The following ZBTB2 variants were observed in gnomAD, a reference collection of about 807,000 sequenced individuals.
ZBTB2 encodes the protein zinc finger and BTB domain containing 2.
ZBTB2 carries 2 observed loss-of-function variants against 39.5 expected under a neutral mutation model. The observed-to-expected ratio is 0.05, with a 90% CI of 0.02 to 0.16. The LOEUF (loss-of-function observed/expected upper bound fraction) is 0.16, where lower values mean the gene tolerates loss of function less well. Ranked by LOEUF, ZBTB2 falls within the 10% of genes least tolerant of loss-of-function variation. The pLI is 1.00. For synonymous variants in ZBTB2, 251 were observed against 256.6 expected (o/e 0.98, Z 0.21); for missense variants, 391 against 653.0 (o/e 0.60, Z 4.37).
chr6:151,389,736 C>T (rs895753239), intron 1 of ZBTB2, among the ~76,000 whole-genome samples: 1 of 152,018 alleles, frequency 6.6e-6, no homozygotes, highest in African/African-American at 2.4e-5. Flanking sequence ...GGGTTATATC[C>T]CCAAGGCATA....
chr6:151,367,942 A>G (rs1778685682), intron 2 of ZBTB2, among the ~76,000 whole-genome samples: 1 of 152,250 alleles, frequency 6.6e-6, no homozygotes, highest in South Asian at 2.1e-4. Flanking sequence ...AAGCATCATT[A>G]GAAATTAGTG....
chr6:151,366,388 G>A lies in ZBTB2; in HGVS notation c.678C>T (p.Ser226=), dbSNP rs1302504049. The A allele has an allele frequency of 1.2e-6, 2 of 1,614,144 alleles. No homozygotes were observed. The highest frequency in any genetic ancestry group is 2.2e-5 in the South Asian group (2 of 91,082). The change falls in exon 3 of 3, where the codon TCC becomes TCT. Residue 226 remains serine (S), a synonymous_variant. Coordinates refer to ENST00000325144, the MANE Select transcript of ZBTB2 (RefSeq NM_020861.3). The surrounding 1 kb of genome is among the most constrained non-coding windows in gnomAD (Gnocchi z 7.1). ...TGAGGGACGCAGGCTGCTCATCGGA[G>A]GAAGATGCTTCCAGATTGGTCTCCT... is the stretch of plus-strand genomic sequence containing the variant. ...PGEETNLEAS[S]SDEQPASLTI...
intron 2 of ZBTB2, among the ~76,000 whole-genome samples, chr6:151,372,094 A>G (rs1778800434): frequency 6.6e-6 from 1 of 152,198 alleles, no homozygotes; most frequent in Admixed American, 6.5e-5. Context: ...AGATCTAGGA[A>G]AAAGACACAC....
chr6:151,368,533 C>T (rs1172983358), intron 2 of ZBTB2, among the ~76,000 whole-genome samples: 1 of 151,924 alleles, frequency 6.6e-6, no homozygotes, highest in Middle Eastern at 3.2e-3. Flanking sequence ...CAGCTCACTG[C>T]ACCCTCCATC....
chr6:151,379,639 A>G (rs1160791057), intron 1 of ZBTB2, among the ~76,000 whole-genome samples: 1 of 64,322 alleles, frequency 1.6e-5, no homozygotes. Context: ...CCCTGTCTGA[A>G]AAAAAAAAAA....
chr6:151,379,904 C>T (rs917594364), intron 1 of ZBTB2, among the ~76,000 whole-genome samples: 2 of 151,922 alleles, frequency 1.3e-5, no homozygotes, highest in African/African-American at 4.8e-5. Context: ...CCTCTCTTTC[C>T]ACAAACGGAC....
chr6:151,384,054 C>T (rs1230848192), intron 1 of ZBTB2, among the ~76,000 whole-genome samples: 1 of 152,136 alleles, frequency 6.6e-6, no homozygotes, highest in East Asian at 1.9e-4. Flanking sequence ...AGTTGAGTTT[C>T]TAGTTATCCT....
At chr6:151,390,108 G>A (rs1447199384) in intron 1 of ZBTB2, among the ~76,000 whole-genome samples, 1 of 152,018 alleles carries the variant, frequency 6.6e-6, no homozygotes, top group Non-Finnish European at 1.5e-5. Flanking sequence ...CTGTATCGCA[G>A]GCGCAGATGG....
intron 1 of ZBTB2, among the ~76,000 whole-genome samples, chr6:151,379,636 T>TGAAAAAA (rs1365210745): frequency 2.3e-4 from 18 of 79,222 alleles, no homozygotes; most frequent in Non-Finnish European, 3.4e-4. Flanking sequence ...AGACCCTGTC[T>TGAAAAAA]GAAAAAAAAA....
In ZBTB2 at chr6:151,391,516, G is replaced by C. The variant is rs955120306; in HGVS notation, c.-109C>G. ...CCCGCCGCCGCCGCCTCTGCCTCTCGCTGCTGCTGCTGCTGCTGCCGCCGC... is the reference window on the plus strand; with the variant it reads ...CCCGCCGCCGCCGCCTCTGCCTCTCCCTGCTGCTGCTGCTGCTGCCGCCGC... On this transcript the variant is annotated 5_prime_UTR_variant, in exon 1 of 3. Coordinates refer to ENST00000325144, the MANE Select transcript of ZBTB2 (RefSeq NM_020861.3). The C allele has an allele frequency of 6.9e-6, 1 of 145,954 alleles. No individual in the cohort carries two copies. Among genetic ancestry groups the C allele is most frequent in the Non-Finnish European group, 1.5e-5 (1 of 66,810 alleles). 9.0% of individuals were successfully genotyped at this position (145,954 alleles called of 1,614,324 possible). A position where few individuals can be genotyped will look rare whatever the true frequency, so the allele number is the denominator to read the frequency against.
At chr6:151,374,300 T>C (rs1208088617) in intron 1 of ZBTB2, among the ~76,000 whole-genome samples, 1 of 152,186 alleles carries the variant, frequency 6.6e-6, no homozygotes, top group East Asian at 1.9e-4. Flanking sequence ...CTCTGCTTCC[T>C]TCCTTGTGGA....
At position 151,366,440 on chromosome 6, in the gene ZBTB2, G is replaced by A. The variant is rs767848214; in HGVS notation, c.626C>T (p.Thr209Ile). The part of the protein sequence containing the change: ...QTSLSPELVS[T>I]PVPPPPPGEE... ...CCCGGGAGGAGGGGGAGGAACAGGAGTGGAAACAAGTTCTGGAGACAGCGA... is the reference window on the plus strand; with the variant it reads ...CCCGGGAGGAGGGGGAGGAACAGGAATGGAAACAAGTTCTGGAGACAGCGA... Residue 209 changes from threonine (T) to isoleucine (I), a missense_variant, in exon 3 of 3, where the codon ACT becomes ATT. Transcript: ENST00000325144. This position sits in a 1 kb window ranked among gnomAD's most constrained non-coding sequence, Gnocchi z 7.1. 9 of 1,614,032 alleles carry A rather than the reference G, an allele frequency of 5.6e-6. No homozygotes were observed. Among genetic ancestry groups the A allele is most frequent in the Non-Finnish European group, 5.9e-6 (7 of 1,180,026 alleles).
rs1406590974 is a variant in ZBTB2, at chr6:151,391,013, TCCTC to T, written c.-13+403_-13+406del. Among the ~76,000 whole-genome samples, 16 of 128,204 alleles carry T rather than the reference TCCTC, an allele frequency of 1.2e-4. No homozygotes were observed. In the South Asian group the frequency reaches 1.8e-3, roughly 14 times the overall value. 84.1% of individuals were successfully genotyped at this position (128,204 alleles called of 152,430 possible). ...CGAACGCGAATCGCCCCCCTCCCCT[TCCTC>T]CCTCCCACCCTCCCTCCGATCCGCC... On this transcript the variant is annotated intron_variant, in intron 1 of 2. Coordinates refer to ENST00000325144, the MANE Select transcript of ZBTB2 (RefSeq NM_020861.3).
intron 1 of ZBTB2, among the ~76,000 whole-genome samples, chr6:151,377,057 A>G (rs1778925380): frequency 6.6e-6 from 1 of 152,020 alleles, no homozygotes; most frequent in South Asian, 2.1e-4. Context: ...GGTGAATTAC[A>G]CTCAGTGAAA....
At position 151,366,999 on chromosome 6, in the gene ZBTB2, TATCC is replaced by T; in HGVS notation, c.174-111_174-108del. ...TAAAAACAAAGGAAACAACATTTCC[TATCC>T]TTGATTTTTAGTAAGTTTCATGAAA... On this transcript the variant is annotated intron_variant, in intron 2 of 2. Transcript: ENST00000325144. This position sits in a 1 kb window ranked among gnomAD's most constrained non-coding sequence, Gnocchi z 7.1. 8 of 1,194,290 alleles carry T rather than the reference TATCC, an allele frequency of 6.7e-6. No homozygotes were observed. Among genetic ancestry groups the T allele is most frequent in the South Asian group, 3.2e-5 (2 of 62,256 alleles). The allele number at this position is 1,194,290 out of a possible 1,614,324, so 74.0% of individuals were successfully genotyped here.
chr6:151,373,870 A>AAAAAAAAAAAAAAAAAAC (rs1778843577), intron 1 of ZBTB2, among the ~76,000 whole-genome samples: 1 of 123,564 alleles, frequency 8.1e-6, no homozygotes, highest in African/African-American at 3.6e-5. Flanking sequence ...AAAAAAAAAA[A>AAAAAAAAAAAAAAAAAAC]AAAAAAACCA....
chr6:151,372,940 G>T (rs867588351), intron 2 of ZBTB2, among the ~76,000 whole-genome samples: 7 of 151,898 alleles, frequency 4.6e-5, no homozygotes, highest in Middle Eastern at 3.2e-3. Context: ...AGATCACGAG[G>T]TCAGGAGATC....
At chr6:151,380,627 T>A (rs1562769474) in intron 1 of ZBTB2, among the ~76,000 whole-genome samples, 1 of 152,186 alleles carries the variant, frequency 6.6e-6, no homozygotes, top group African/African-American at 2.4e-5. Context: ...AGGGACTCAG[T>A]GGCTTACTCA....
intron 1 of ZBTB2, among the ~76,000 whole-genome samples, chr6:151,387,419 C>T (rs1335445539): frequency 1.3e-5 from 2 of 152,178 alleles, no homozygotes; most frequent in Non-Finnish European, 1.5e-5. Context: ...ACTGTGACAA[C>T]AGTTTTGACT....
Sources: gnomAD v4.1 joint callset for allele counts (sites outside exome capture counted in the v4.1 genomes callset) on GRCh38, gnomAD v4.1.1 for gene constraint, Gnocchi (gnomAD v3.1) non-coding constraint, MANE v1.5 for transcripts, NCBI Gene and HGNC (gene_info 2026-07-23, HGNC 2026-07-21) for gene names.